GDPD5: variants seen among roughly 807,000 people sequenced by gnomAD.
GDPD5 encodes the protein glycerophosphodiester phosphodiesterase 2.
A neutral mutation model predicts 75.1 loss-of-function variants in GDPD5; 48 were observed. The ratio of observed to expected loss-of-function variants is 0.64; its 90% CI spans 0.51 to 0.81. GDPD5 has a LOEUF of 0.81. Ranked by LOEUF, GDPD5 falls within the 40% of genes least tolerant of loss-of-function variation. The pLI is 0.00. For synonymous variants in GDPD5, 336 were observed against 339.0 expected, an observed-to-expected ratio of 0.99 and a Z score of 0.10; for missense variants, 706 against 822.6, an observed-to-expected ratio of 0.86 and a Z score of 1.73.
chr11:75,497,928 T>G (rs550609670), intron 1 of GDPD5, among the ~76,000 whole-genome samples: 1 of 152,350 alleles, frequency 6.6e-6, no homozygotes, highest in South Asian at 2.1e-4. Context: ...AAGCAGGGAT[T>G]AACACCATGT....
At chr11:75,442,756 A>G in intron 11 of GDPD5, 175 bp from the exon 12 acceptor site, 1 of 622,890 alleles carries the variant, frequency 1.6e-6, no homozygotes, top group Non-Finnish European at 2.8e-6. Flanking sequence ...TAACCTTTCT[A>G]CCCCACACCC....
intron 14 of GDPD5, among the ~76,000 whole-genome samples, chr11:75,440,846 C>G (rs1948776074): frequency 6.6e-6 from 1 of 152,198 alleles, no homozygotes; most frequent in South Asian, 2.1e-4. Context: ...GCGTGAGCCC[C>G]ACGCCCGGTC....
rs1948583938 is a variant in GDPD5, at chr11:75,434,786, T to TC, written c.*720dup. On this transcript the variant is annotated 3_prime_UTR_variant, in exon 17 of 17. Coordinates refer to ENST00000336898, the MANE Select transcript of GDPD5 (RefSeq NM_030792.8). ...TGGCCACTGATGTGGGAACCTGAGG[T>TC]CACATCAGTCTGTGGACTCCTGGGT... 1.3e-5 allele frequency: 2 copies of TC among 152,304 alleles called. No individual in the cohort carries two copies. Among genetic ancestry groups the TC allele is most frequent in the South Asian group, 4.1e-4 (2 of 4,832 alleles). 9.4% of individuals were successfully genotyped at this position (152,304 alleles called of 1,614,324 possible).
At chr11:75,488,021 C>T (rs2135408562) in intron 2 of GDPD5, among the ~76,000 whole-genome samples, 1 of 152,336 alleles carries the variant, frequency 6.6e-6, no homozygotes, top group East Asian at 1.9e-4. Context: ...GGAGGCACTC[C>T]ATCCAGCCTC....
intron 1 of GDPD5, among the ~76,000 whole-genome samples, chr11:75,514,071 G>A (rs938456411): frequency 1.3e-5 from 2 of 152,234 alleles, no homozygotes; most frequent in African/African-American, 4.8e-5. Context: ...AAACATGACT[G>A]CCCTTGAGCT....
chr11:75,439,398 G>T (rs918828291), intron 15 of GDPD5: 15 of 456,134 alleles, frequency 3.3e-5, no homozygotes, highest in Admixed American at 1.9e-4. Flanking sequence ...GAGGGGGAGA[G>T]AGGAGGGACA....
chr11:75,438,578 A>G (rs1239787015), intron 15 of GDPD5: 1 of 152,322 alleles, frequency 6.6e-6, no homozygotes, highest in Non-Finnish European at 1.5e-5. Flanking sequence ...AGCCAGGGAC[A>G]GCATCTCCTC....
chr11:75,503,367 C>T (rs1166426228), intron 1 of GDPD5, among the ~76,000 whole-genome samples: 5 of 152,158 alleles, frequency 3.3e-5, no homozygotes, highest in East Asian at 3.9e-4. Flanking sequence ...TCATTTGTTA[C>T]GTGACAACAG....
chr11:75,483,570 A>G (rs965778488), intron 2 of GDPD5, among the ~76,000 whole-genome samples: 12 of 152,180 alleles, frequency 7.9e-5, no homozygotes, highest in South Asian at 4.2e-4. Context: ...GTCACCCTCA[A>G]CTGAATTGCT....
At chr11:75,471,707 T>C (rs1949669940) in intron 3 of GDPD5, among the ~76,000 whole-genome samples, 1 of 152,126 alleles carries the variant, frequency 6.6e-6, no homozygotes, top group Non-Finnish European at 1.5e-5. Flanking sequence ...TAGAGTGTCA[T>C]CAACAAGACT....
chr11:75,442,333 C>A (rs199811868), intron 12 of GDPD5, 30 bp downstream of exon 12: 7 of 1,510,244 alleles, frequency 4.6e-6, no homozygotes, highest in Non-Finnish European at 5.4e-6. Flanking sequence ...CCAGGGCTCC[C>A]GGGGGCAGAG....
rs753496541 is a variant in GDPD5, at chr11:75,437,045, C to A, written c.1560G>T (p.Trp520Cys). 17 of 1,612,666 alleles carry A rather than the reference C, an allele frequency of 1.1e-5. No homozygotes were observed. The highest frequency in any genetic ancestry group is 1.4e-5 in the Non-Finnish European group (17 of 1,179,670). ...TGTAGCTCCGTATGCCACCCAGGCGCCACCTGCAGAGATGGCCCCGTGGGC... is the reference window on the plus strand; with the variant it reads ...TGTAGCTCCGTATGCCACCCAGGCGACACCTGCAGAGATGGCCCCGTGGGC... ...LIVGIFVLQK[W>C]RLGGIRSYNP... The change falls in exon 16 of 17, where the codon TGG (tryptophan) becomes TGT (cysteine). Residue 520 changes from tryptophan (W) to cysteine (C), a missense_variant. Transcript: ENST00000336898.
chr11:75,474,348 G>A (rs1949735706), intron 3 of GDPD5, among the ~76,000 whole-genome samples: 1 of 152,214 alleles, frequency 6.6e-6, no homozygotes, highest in Non-Finnish European at 1.5e-5. Flanking sequence ...GTCTTCAGGG[G>A]ACCCTGTGGG....
chr11:75,488,231 C>G (rs1197487515), intron 2 of GDPD5, among the ~76,000 whole-genome samples: 1 of 152,124 alleles, frequency 6.6e-6, no homozygotes, highest in Non-Finnish European at 1.5e-5. Context: ...CCCCTTCTCC[C>G]CCAGTGACAC....
At chr11:75,488,633 CCCAAATCCCAAT>C (rs938134753) in intron 2 of GDPD5, among the ~76,000 whole-genome samples, 46 of 152,162 alleles carry the variant, frequency 3.0e-4, no homozygotes, top group Admixed American at 5.9e-4. Context: ...GAAAGCCCTC[CCCAAATCCCAAT>C]CCAAATCCCA....
chr11:75,488,966 A>G (rs1473702962), intron 2 of GDPD5, among the ~76,000 whole-genome samples: 2 of 152,164 alleles, frequency 1.3e-5, no homozygotes, highest in Non-Finnish European at 2.9e-5. Flanking sequence ...TAGAAGAGTC[A>G]CTGTATAGAG....
intron 1 of GDPD5, among the ~76,000 whole-genome samples, 171 bp downstream of exon 1, chr11:75,525,039 A>C (rs1467774148): frequency 1.3e-5 from 2 of 152,048 alleles, no homozygotes; most frequent in African/African-American, 4.8e-5. Context: ...GCGAACCCGC[A>C]CACAATGGGC....
chr11:75,472,547 C>T (rs1411188528), intron 3 of GDPD5, among the ~76,000 whole-genome samples: 1 of 152,146 alleles, frequency 6.6e-6, no homozygotes, highest in Non-Finnish European at 1.5e-5. Context: ...CCACTGCCAA[C>T]CACCACCAGG....
intron 2 of GDPD5, among the ~76,000 whole-genome samples, chr11:75,481,142 A>C (rs1389880281): frequency 1.3e-5 from 2 of 152,322 alleles, no homozygotes; most frequent in East Asian, 3.9e-4. Flanking sequence ...AGGGAGGGTC[A>C]GAGTATGCTC....
Sources: allele counts gnomAD v4.1 joint callset (sites outside exome capture counted in the v4.1 genomes callset), GRCh38; gene constraint gnomAD v4.1.1; transcripts MANE v1.5; gene names NCBI Gene and HGNC (gene_info 2026-07-23, HGNC 2026-07-21).